LSS: variants seen among roughly 807,000 people sequenced by gnomAD.
LSS encodes the protein lanosterol synthase, also known as 2,3-epoxysqualene-lanosterol cyclase.
LSS carries 90 observed loss-of-function variants against 110.3 expected under a neutral mutation model. The observed-to-expected ratio is 0.82, with a 90% confidence interval of 0.69 to 0.97. The LOEUF (loss-of-function observed/expected upper bound fraction) is 0.97, where lower values mean the gene tolerates loss of function less well. Ranked by LOEUF, LSS falls within the 50% of genes least tolerant of loss-of-function variation. The pLI is 0.00. For missense variants in LSS, 927 were observed against 990.0 expected (o/e 0.94, Z 0.85); for synonymous variants, 433 against 400.0 (o/e 1.08, Z -0.98).
chr21:46,214,496 G>T (rs1241842256), intron 9 of LSS, among the ~76,000 whole-genome samples: 2 of 152,222 alleles, frequency 1.3e-5, no homozygotes, highest in Non-Finnish European at 2.9e-5. Context: ...GCAGTGTCAG[G>T]GTGGGACTCA....
intron 5 of LSS, chr21:46,220,307 CGACACCAAAGGCT>C (rs2080259116): frequency 6.6e-6 from 1 of 152,244 alleles, no homozygotes; most frequent in South Asian, 2.1e-4. Context: ...GCAGCATCAA[CGACACCAAAGGCT>C]GACAGTGAAC....
At chr21:46,228,698 G>T in intron 1 of LSS, 34 bp downstream of exon 1, 1 of 1,602,344 alleles carries the variant, frequency 6.2e-7, no homozygotes, top group East Asian at 2.2e-5. Flanking sequence ...GGACCACCCC[G>T]CATTCGTCAG....
intron 4 of LSS, 150 bp from the exon 5 acceptor site, chr21:46,222,125 G>T: frequency 1.3e-6 from 1 of 773,392 alleles, no homozygotes. Flanking sequence ...CCCCTGAGCA[G>T]CCACTCTGCA....
intron 4 of LSS, 120 bp from the exon 5 acceptor site, chr21:46,222,095 T>G: frequency 8.8e-7 from 1 of 1,141,412 alleles, no homozygotes; most frequent in Non-Finnish European, 1.3e-6. Flanking sequence ...TAACCTGACA[T>G]AACATGCCAA....
intron 20 of LSS, 44 bp downstream of exon 20, chr21:46,194,447 C>A: frequency 6.2e-7 from 1 of 1,607,914 alleles, no homozygotes. Context: ...AGTGTCCCTC[C>A]TCTACCCAAA....
intron 18 of LSS, among the ~76,000 whole-genome samples, 180 bp from the exon 19 acceptor site, chr21:46,195,936 G>C (rs558477695): frequency 5.3e-5 from 8 of 152,330 alleles, no homozygotes; most frequent in Admixed American, 5.2e-4. Context: ...AAGCAGAAAG[G>C]GTGGAGGGAA....
chr21:46,228,287 C>T, intron 2 of LSS, 147 bp downstream of exon 2: 1 of 829,900 alleles, frequency 1.2e-6, no homozygotes, highest in Non-Finnish European at 1.8e-6. Context: ...GCGGAGGGGC[C>T]CGCGAACGCA....
chr21:46,195,652 A>C (rs756524634), intron 19 of LSS, 24 bp downstream of exon 19: 5 of 1,607,608 alleles, frequency 3.1e-6, no homozygotes, highest in Non-Finnish European at 4.3e-6. Context: ...ACCCCCACCC[A>C]CCAGAGGACA....
intron 3 of LSS, among the ~76,000 whole-genome samples, chr21:46,225,018 T>C (rs1179514571): frequency 6.6e-6 from 1 of 152,100 alleles, no homozygotes; most frequent in Non-Finnish European, 1.5e-5. Flanking sequence ...CGAGAGGCTG[T>C]GGGTGGCAAG....
At chr21:46,205,777 T>C in intron 17 of LSS, 59 bp downstream of exon 17, 1 of 1,354,334 alleles carries the variant, frequency 7.4e-7, no homozygotes, top group Non-Finnish European at 1.0e-6. Flanking sequence ...GAATGATGCG[T>C]CTGGGTCTTG....
intron 5 of LSS, 53 bp downstream of exon 5, chr21:46,221,801 C>T: frequency 6.2e-7 from 1 of 1,610,838 alleles, no homozygotes; most frequent in Non-Finnish European, 8.5e-7. Context: ...TGTGAGAGCT[C>T]ATTATCGAGT....
rs1034910984 is a variant in LSS, at chr21:46,206,678, C to A, written c.1558G>T (p.Val520Phe). 2 of 1,612,166 alleles carry A rather than the reference C, an allele frequency of 1.2e-6. No individual in the cohort carries two copies. Among genetic ancestry groups the A allele is most frequent in the Non-Finnish European group, 1.7e-6 (2 of 1,179,892 alleles). ...HLLELLNPSE[V>F]FGDIMIDYTY... ...GTGCTGGCCGACCACTCACCGAAGA[C>A]CTCCGAGGGGTTCAGCAGCTCCAGC... The change falls in exon 16 of 22, where the codon GTC becomes TTC. Residue 520 changes from valine to phenylalanine, a missense_variant. Val to Phe is a conservative substitution (Grantham distance 50). Transcript: ENST00000397728.
chr21:46,194,170 C>G (rs1382607228), intron 20 of LSS, among the ~76,000 whole-genome samples: 1 of 152,192 alleles, frequency 6.6e-6, no homozygotes, highest in Non-Finnish European at 1.5e-5. Flanking sequence ...CACCAGGAAG[C>G]AGCATCCTCA....
chr21:46,224,511 A>G (rs2080314022), intron 3 of LSS: 1 of 152,206 alleles, frequency 6.6e-6, no homozygotes. Context: ...AGAAGGGCAG[A>G]TGAACTCAGA....
chr21:46,216,580 G>T lies in LSS; in HGVS notation c.648-56C>A. On this transcript the variant is annotated intron_variant, in intron 6 of 21. Transcript: ENST00000397728. The surrounding 1 kb of genome is among the most constrained non-coding windows in gnomAD (Gnocchi z 4.2). Reference sequence around the variant, plus strand: ...CCCAAGACTCAAGCCTGCCCCCTCCGCCAGCATCCATACCTTGGGCCCTTT... The same window carrying T: ...CCCAAGACTCAAGCCTGCCCCCTCCTCCAGCATCCATACCTTGGGCCCTTT... 1 of 1,487,498 alleles carries T rather than the reference G, an allele frequency of 6.7e-7. No homozygotes were observed. The allele number at this position is 1,487,498 out of a possible 1,614,324, so 92.1% of individuals were successfully genotyped here.
At chr21:46,207,048 G>A (rs904848866) in intron 15 of LSS, among the ~76,000 whole-genome samples, 1 of 152,210 alleles carries the variant, frequency 6.6e-6, no homozygotes, top group Non-Finnish European at 1.5e-5. Context: ...AAAGGGCAGG[G>A]TCTCCACTGG....
chr21:46,205,956 G>A lies in LSS; in HGVS notation c.1565-15C>T, dbSNP rs1260957363. On this transcript the variant is annotated splice_polypyrimidine_tract_variant and intron_variant, in intron 16 of 21. Transcript: ENST00000397728. The stretch of plus-strand genomic sequence containing the variant: ...CATGATGTCCCCTGGGAAAGGGAGG[G>A]AAGAACCAAGTGTTGGGTTTCACCC... 2 of 1,573,232 alleles carry A rather than the reference G, an allele frequency of 1.3e-6. No individual in the cohort carries two copies. Among genetic ancestry groups the A allele is most frequent in the African/African-American group, 2.7e-5 (2 of 74,426 alleles).
intron 14 of LSS, among the ~76,000 whole-genome samples, 186 bp from the exon 15 acceptor site, chr21:46,207,763 G>A (rs2080072228): frequency 6.6e-6 from 1 of 152,168 alleles, no homozygotes; most frequent in Non-Finnish European, 1.5e-5. Flanking sequence ...CCAGCTTCCA[G>A]CACAGGGACC....
chr21:46,209,729 C>G lies in LSS; in HGVS notation c.1195-104G>C. The G allele has an allele frequency of 1.0e-6, 1 of 952,764 alleles. No individual in the cohort carries two copies. The highest frequency in any genetic ancestry group is 1.5e-5 in the South Asian group (1 of 67,292). The allele number at this position is 952,764 out of a possible 1,614,324, so 59.0% of individuals were successfully genotyped here. ...GGCCACATCCTGCCCCAACCGGGGA[C>G]CAGAATCAAACCAGCAGACATCTCC... On this transcript the variant is annotated intron_variant, in intron 12 of 21. Coordinates refer to ENST00000397728, the MANE Select transcript of LSS (RefSeq NM_002340.6). The surrounding 1 kb of genome is among the most constrained non-coding windows in gnomAD (Gnocchi z 4.4).
Sources: gnomAD v4.1 joint callset for allele counts (sites outside exome capture counted in the v4.1 genomes callset) on GRCh38, gnomAD v4.1.1 for gene constraint, Gnocchi (gnomAD v3.1) non-coding constraint, MANE v1.5 for transcripts, NCBI Gene and HGNC (gene_info 2026-07-23, HGNC 2026-07-21) for gene names.